TCEA1: variants seen among roughly 807,000 people sequenced by gnomAD.
TCEA1 encodes the protein transcription elongation factor A protein 1.
TCEA1 carries 21 observed loss-of-function variants against 43.8 expected under a neutral mutation model. The ratio of observed to expected loss-of-function variants is 0.48; its 90% CI spans 0.34 to 0.69. The LOEUF is 0.69. Ranked by LOEUF, TCEA1 falls within the 30% of genes least tolerant of loss-of-function variation. The pLI is 0.01. For missense variants in TCEA1, 250 were observed against 365.1 expected, an observed-to-expected ratio of 0.68 and a Z score of 2.57; for synonymous variants, 104 against 117.5, an observed-to-expected ratio of 0.88 and a Z score of 0.75.
At chr8:53,995,727 C>T (rs1050543120) in intron 3 of TCEA1, among the ~76,000 whole-genome samples, 3 of 152,318 alleles carry the variant, frequency 2.0e-5, no homozygotes, top group East Asian at 1.9e-4. Context: ...AAATCTCTGG[C>T]AGTGAGGCGC....
At chr8:54,018,757 G>A (rs769924860) in intron 1 of TCEA1, among the ~76,000 whole-genome samples, 2 of 152,202 alleles carry the variant, frequency 1.3e-5, no homozygotes, top group Non-Finnish European at 2.9e-5. Context: ...TAGAACTAGG[G>A]TCAGGATATT....
In TCEA1 at chr8:53,982,426, G is replaced by T. The variant is rs568824304; in HGVS notation, c.678+1937C>A. On this transcript the variant is annotated intron_variant, in intron 7 of 9. Transcript: ENST00000521604. The stretch of plus-strand genomic sequence containing the variant: ...AGTTTGAGACCAGCCTGCCCAACAT[G>T]GTGAAACCCTGTCTCTACTAAAAGT... Among the ~76,000 whole-genome samples the T allele has an allele frequency of 1.4e-4, 21 of 151,990 alleles. No homozygotes were observed. In the East Asian group the frequency reaches 3.9e-3, roughly 28 times the overall value.
intron 7 of TCEA1, among the ~76,000 whole-genome samples, chr8:53,981,187 G>A (rs1009951407): frequency 2.0e-5 from 3 of 152,226 alleles, no homozygotes; most frequent in African/African-American, 7.2e-5. Context: ...AGGTGAAGCA[G>A]CAAGTGCTGA....
chr8:54,000,920 C>T (rs1199973884), intron 2 of TCEA1, among the ~76,000 whole-genome samples: 5 of 152,088 alleles, frequency 3.3e-5, no homozygotes, highest in East Asian at 3.9e-4. Flanking sequence ...CCACCTCGCC[C>T]GGCTGATTTG....
chr8:53,999,819 C>A, intron 3 of TCEA1, 126 bp downstream of exon 3: 1 of 677,574 alleles, frequency 1.5e-6, no homozygotes, highest in Non-Finnish European at 2.5e-6. Context: ...TTACGAGGCA[C>A]TGCTTTCAGT....
intron 7 of TCEA1, among the ~76,000 whole-genome samples, chr8:53,981,754 CT>C (rs113461227): frequency 0.018 from 2,594 of 140,646 alleles, 26 homozygotes; most frequent in Non-Finnish European, 0.025. Flanking sequence ...GTAATTCTGA[CT>C]TTTTTTTTTT....
At chr8:53,989,178 G>A (rs115259051) in intron 4 of TCEA1, among the ~76,000 whole-genome samples, 2,108 of 152,276 alleles carry the variant, frequency 0.014, 51 homozygotes, top group African/African-American at 0.048. Context: ...CTACAAAATG[G>A]TGTGTTTCTC....
chr8:54,022,415 G>A lies in TCEA1; in HGVS notation c.-290C>T. The A allele has an allele frequency of 2.1e-6, 1 of 479,072 alleles. No individual in the cohort carries two copies. The highest frequency in any genetic ancestry group is 3.7e-6 in the Non-Finnish European group (1 of 270,006). 29.7% of individuals were successfully genotyped at this position (479,072 alleles called of 1,614,324 possible). On this transcript the variant is annotated 5_prime_UTR_variant, in exon 1 of 10. Coordinates refer to ENST00000521604, the MANE Select transcript of TCEA1 (RefSeq NM_006756.4). ...GCGAGCCCATGTTCCCGCCAGGCGG[G>A]CGTCGGGCTAGTGGGCAGGCGTGGC...
intron 2 of TCEA1, chr8:54,003,155 T>C: frequency 6.9e-6 from 3 of 433,554 alleles, no homozygotes; most frequent in South Asian, 4.8e-5. Context: ...AAAACATACA[T>C]TTAAAACACA....
At chr8:53,981,254 G>A (rs1585996471) in intron 7 of TCEA1, among the ~76,000 whole-genome samples, 1 of 152,218 alleles carries the variant, frequency 6.6e-6, no homozygotes, top group East Asian at 1.9e-4. Flanking sequence ...GATGAAGGTA[G>A]CTATTCTAAA....
At chr8:53,971,944 A>C (rs528861101) in intron 8 of TCEA1, 1 of 184,792 alleles carries the variant, frequency 5.4e-6, no homozygotes, top group African/African-American at 2.4e-5. Flanking sequence ...AGTCCAAAGA[A>C]GGAGAGCAAA....
chr8:54,021,311 C>A (rs1251929357), intron 1 of TCEA1, among the ~76,000 whole-genome samples: 1 of 152,158 alleles, frequency 6.6e-6, no homozygotes, highest in Non-Finnish European at 1.5e-5. Flanking sequence ...AAAGCATATG[C>A]TTACATGAAT....
At position 53,984,527 on chromosome 8, in the gene TCEA1, C is replaced by A. The variant is rs1402338998; in HGVS notation, c.524-10G>T. On this transcript the variant is annotated splice_polypyrimidine_tract_variant and intron_variant, in intron 6 of 9. Coordinates refer to ENST00000521604, the MANE Select transcript of TCEA1 (RefSeq NM_006756.4). ...ATTTCTTGATATATAGGTACCAGGC[C>A]GTTAAGGAAAAAAGGCAAAATTACA... 11 of 1,537,624 alleles carry A rather than the reference C, an allele frequency of 7.2e-6. No homozygotes were observed. The highest frequency in any genetic ancestry group is 9.6e-6 in the Non-Finnish European group (11 of 1,146,438).
chr8:53,988,180 G>T lies in TCEA1; in HGVS notation c.400C>A (p.Pro134Thr). ...DTYVSSFPRA[P>T]STSDSVRLKC... ...AACCGCACAGAATCAGAAGTGCTTG[G>T]TGCCCGAGGAAAGGATGAAACATAA... The change falls in exon 5 of 10, where the codon CCA (proline) becomes ACA (threonine). Residue 134 changes from proline (P) to threonine (T), a missense_variant. Pro to Thr is a conservative substitution (Grantham distance 38). Transcript: ENST00000521604. 3 of 1,613,060 alleles carry T rather than the reference G, an allele frequency of 1.9e-6. No individual in the cohort carries two copies. Among genetic ancestry groups the T allele is most frequent in the Non-Finnish European group, 2.5e-6 (3 of 1,179,526 alleles).
chr8:53,973,763 C>T, intron 8 of TCEA1: 2 of 501,152 alleles, frequency 4.0e-6, no homozygotes, highest in South Asian at 1.8e-5. Flanking sequence ...ACACTTCCCA[C>T]TTGTTCAATG....
At chr8:54,004,872 C>T (rs1804390486) in intron 2 of TCEA1, among the ~76,000 whole-genome samples, 1 of 151,992 alleles carries the variant, frequency 6.6e-6, no homozygotes, top group African/African-American at 2.4e-5. Flanking sequence ...CCACTATATT[C>T]AGCATGTGGA....
chr8:53,972,668 A>C (rs1280941870), intron 8 of TCEA1: 1 of 623,818 alleles, frequency 1.6e-6, no homozygotes, highest in East Asian at 3.4e-5. Flanking sequence ...GAGGATCAGT[A>C]GAGCTATTAA....
At chr8:53,993,868 G>A (rs1452535286) in intron 3 of TCEA1, 113 bp from the exon 4 acceptor site, 2 of 816,850 alleles carry the variant, frequency 2.4e-6, no homozygotes, top group Non-Finnish European at 4.0e-6. Context: ...TTTCCTACAA[G>A]TAGATGAAGT....
chr8:53,991,030 C>T (rs1192377390), intron 4 of TCEA1, among the ~76,000 whole-genome samples: 1 of 152,050 alleles, frequency 6.6e-6, no homozygotes, highest in Non-Finnish European at 1.5e-5. Context: ...CTTTATCAGA[C>T]TTCACATACA....
Sources: gnomAD v4.1 joint callset for allele counts (sites outside exome capture counted in the v4.1 genomes callset) on GRCh38, gnomAD v4.1.1 for gene constraint, MANE v1.5 for transcripts, NCBI Gene and HGNC (gene_info 2026-07-23, HGNC 2026-07-21) for gene names.